The following PALM2AKAP2 variants were observed in gnomAD, a reference collection of about 807,000 sequenced individuals.
The protein encoded by PALM2AKAP2 is PALM2 and AKAP2 fusion.
Under a neutral mutation model 71.5 loss-of-function variants are expected in PALM2AKAP2, and 37 were observed. The observed-to-expected ratio is 0.52, with a 90% CI of 0.40 to 0.68. The LOEUF is 0.68. PALM2AKAP2 is among the 30% of genes least tolerant of loss of function. The pLI, the probability that PALM2AKAP2 is intolerant of heterozygous loss-of-function variation, is 0.00. For synonymous variants in PALM2AKAP2, 468 were observed against 478.8 expected (o/e 0.98, Z 0.29); for missense variants, 1,224 against 1,191.8 (o/e 1.03, Z -0.40).
intron 1 of PALM2AKAP2, among the ~76,000 whole-genome samples, chr9:109,651,957 A>G (rs1293838344): frequency 6.6e-6 from 1 of 152,202 alleles, no homozygotes; most frequent in Non-Finnish European, 1.5e-5. Flanking sequence ...AGGTCTTTAT[A>G]GTATTTGATG....
intron 7 of PALM2AKAP2, among the ~76,000 whole-genome samples, chr9:110,032,732 AAAT>A (rs1341132301): frequency 4.6e-5 from 6 of 130,578 alleles, no homozygotes; most frequent in Non-Finnish European, 6.5e-5. Context: ...ATAAATAAAT[AAAT>A]AAATAAAATA....
chr9:110,046,328 G>A (rs895148147), upstream of PALM2AKAP2, among the ~76,000 whole-genome samples: 6 of 152,116 alleles, frequency 3.9e-5, no homozygotes, highest in Middle Eastern at 3.4e-3. Context: ...TATCTATTAA[G>A]CATATATTTT....
intron 1 of PALM2AKAP2, among the ~76,000 whole-genome samples, chr9:109,641,265 G>A (rs1038734763): frequency 1.3e-5 from 2 of 152,234 alleles, no homozygotes; most frequent in Admixed American, 1.3e-4. Flanking sequence ...GAGGGAGGGG[G>A]TCACTGCGGA....
intron 1 of PALM2AKAP2, chr9:110,048,962 C>A: frequency 7.4e-7 from 1 of 1,347,686 alleles, no homozygotes. Context: ...TGGGAGTCCT[C>A]GGAAGCACCG....
At chr9:109,729,468 G>T (rs1828523316) in intron 1 of PALM2AKAP2, among the ~76,000 whole-genome samples, 4 of 152,164 alleles carry the variant, frequency 2.6e-5, no homozygotes, top group Admixed American at 6.5e-5. Flanking sequence ...TATGATTCTA[G>T]CCATCTGACT....
At chr9:109,918,322 T>C (rs1490705805) in intron 3 of PALM2AKAP2, among the ~76,000 whole-genome samples, 1 of 152,200 alleles carries the variant, frequency 6.6e-6, no homozygotes, top group African/African-American at 2.4e-5. Flanking sequence ...GGATGATCTA[T>C]TGGGGTTAGG....
intron 1 of PALM2AKAP2, among the ~76,000 whole-genome samples, chr9:109,830,133 G>A (rs1004215859): frequency 6.6e-6 from 1 of 152,192 alleles, no homozygotes; most frequent in Non-Finnish European, 1.5e-5. Flanking sequence ...AAGAAGTGAC[G>A]ACCTAGTCCT....
chr9:109,956,755 A>C (rs1183334331), intron 6 of PALM2AKAP2, among the ~76,000 whole-genome samples: 1 of 152,222 alleles, frequency 6.6e-6, no homozygotes, highest in Non-Finnish European at 1.5e-5. Flanking sequence ...TGTCAAAAAC[A>C]TAGCTCCATC....
intron 6 of PALM2AKAP2, among the ~76,000 whole-genome samples, chr9:109,992,187 C>T (rs541477340): frequency 8.5e-5 from 13 of 152,268 alleles, no homozygotes; most frequent in South Asian, 6.2e-4. Flanking sequence ...TTCTGCTCCC[C>T]GAAGCATTGC....
At position 109,828,974 on chromosome 9, in the gene PALM2AKAP2, CTT is replaced by C. The variant is rs1252758010; in HGVS notation, c.46-38514_46-38513del. Among the ~76,000 whole-genome samples the C allele has an allele frequency of 1.1e-4, 17 of 152,288 alleles. No homozygotes were observed. The Middle Eastern group carries it at 0.01, about 91-fold the overall frequency. ...TGTAGAAGTTTTTTGACAGTGGACTCTTTTATCACAGAATGTGAGGTGAGGCA... is the reference window on the plus strand; with the variant it reads ...TGTAGAAGTTTTTTGACAGTGGACTCTTATCACAGAATGTGAGGTGAGGCA... On this transcript the variant is annotated intron_variant, in intron 1 of 9. Transcript: ENST00000302798.
intron 1 of PALM2AKAP2, among the ~76,000 whole-genome samples, chr9:109,859,576 A>G (rs1324619672): frequency 2.6e-5 from 4 of 152,260 alleles, no homozygotes; most frequent in Non-Finnish European, 5.9e-5. Context: ...AAACAATTAA[A>G]AGTAAATAAC....
Position 110,130,750 on chromosome 9 carries a change from C to G in PALM2AKAP2, c.157-5377C>G, listed in dbSNP as rs188823247. ...CTGAGCCAAAGGCTAGAAACAAGATCGTTTAGTTTTCAAACCTCAAACACC... is the reference window on the plus strand; with the variant it reads ...CTGAGCCAAAGGCTAGAAACAAGATGGTTTAGTTTTCAAACCTCAAACACC... On this transcript the variant is annotated intron_variant, in intron 1 of 3. Transcript: ENST00000374525. Among the ~76,000 whole-genome samples, 3 of 152,266 alleles carry G rather than the reference C, an allele frequency of 2.0e-5. No individual in the cohort carries two copies. In the East Asian group the frequency reaches 5.8e-4, roughly 29 times the overall value.
rs1363599182 is a variant in PALM2AKAP2, at chr9:109,851,175, T to TCAA, written c.46-16282_46-16280dup. ...CTGGGCAACAGAGGGAGACTCCGTC[T>TCAA]CAACAACAACAACAACAACAACAAC... On this transcript the variant is annotated intron_variant, in intron 1 of 9. Transcript: ENST00000302798. 4.5e-3 allele frequency among the ~76,000 whole-genome samples: 590 copies of TCAA among 130,184 alleles called. 4 individuals are homozygous for TCAA. The highest frequency in any genetic ancestry group is 5.3e-3 in the Non-Finnish European group (336 of 63,592). The allele number at this position is 130,184 out of a possible 152,430, so 85.4% of individuals were successfully genotyped here. A position where few individuals can be genotyped will look rare whatever the true frequency, so the allele number is the denominator to read the frequency against.
intron 1 of PALM2AKAP2, among the ~76,000 whole-genome samples, chr9:109,846,369 A>G (rs535642296): frequency 4.6e-5 from 7 of 152,168 alleles, no homozygotes; most frequent in Non-Finnish European, 8.8e-5. Flanking sequence ...AGGTCTCCCA[A>G]TGGGAGAACA....
intron 6 of PALM2AKAP2, among the ~76,000 whole-genome samples, chr9:110,008,815 C>T (rs1158231804): frequency 5.3e-5 from 8 of 152,024 alleles, no homozygotes; most frequent in African/African-American, 1.9e-4. Flanking sequence ...GGTAGAGGGG[C>T]AGGGTCATGT....
At chr9:109,907,254 A>C (rs1830466774) in intron 3 of PALM2AKAP2, among the ~76,000 whole-genome samples, 1 of 152,138 alleles carries the variant, frequency 6.6e-6, no homozygotes, top group African/African-American at 2.4e-5. Flanking sequence ...CTCCCTCATG[A>C]GATGATGAAT....
chr9:109,969,108 A>ACACACACACACACACG (rs1832014814), intron 6 of PALM2AKAP2, among the ~76,000 whole-genome samples: 1 of 151,190 alleles, frequency 6.6e-6, no homozygotes, highest in Admixed American at 6.6e-5. Context: ...ACACACACAC[A>ACACACACACACACACG]CACACGACTC....
chr9:109,766,276 G>T (rs1207258414), intron 1 of PALM2AKAP2, among the ~76,000 whole-genome samples: 1 of 152,170 alleles, frequency 6.6e-6, no homozygotes, highest in African/African-American at 2.4e-5. Flanking sequence ...TGTCACCCCT[G>T]TTTTTGGCAC....
intron 6 of PALM2AKAP2, chr9:109,943,405 CAAT>C: frequency 3.1e-6 from 5 of 1,612,596 alleles, no homozygotes; most frequent in Non-Finnish European, 4.2e-6. Context: ...AAAGCGCTGT[CAAT>C]GCTGTGTTGT....
Sources: gnomAD v4.1 joint callset for allele counts (sites outside exome capture counted in the v4.1 genomes callset) on GRCh38, gnomAD v4.1.1 for gene constraint, MANE v1.5 for transcripts, NCBI Gene and HGNC (gene_info 2026-07-23, HGNC 2026-07-21) for gene names.